Variants in MAP3K4 observed in about 807,000 individuals in gnomAD.
MAP3K4 encodes mitogen-activated protein kinase kinase kinase 4.
A neutral mutation model predicts 185.6 loss-of-function variants in MAP3K4; 67 were observed. The observed-to-expected ratio is 0.36, with a 90% CI of 0.30 to 0.44. The LOEUF (loss-of-function observed/expected upper bound fraction) is 0.44, where lower values mean the gene tolerates loss of function less well. Ranked by LOEUF, MAP3K4 falls within the 20% of genes least tolerant of loss-of-function variation. The pLI is 1.00. For missense variants in MAP3K4, 1,551 were observed against 1,995.1 expected (o/e 0.78, Z 4.24); for synonymous variants, 702 against 710.4 (o/e 0.99, Z 0.19).
Position 161,086,282 on chromosome 6 carries a change from G to A in MAP3K4, c.2373-97G>A. On this transcript the variant is annotated intron_variant, in intron 7 of 26. Coordinates refer to ENST00000392142, the MANE Select transcript of MAP3K4 (RefSeq NM_005922.4). The surrounding 1 kb of genome is among the most constrained non-coding windows in gnomAD (Gnocchi z 4.8). The stretch of plus-strand genomic sequence containing the variant: ...AAATCCTCAGTCTTTATTTATTACT[G>A]TGATTTGGAATTTGCTTCATCTTTA... The A allele has an allele frequency of 1.5e-6, 1 of 645,316 alleles. No homozygotes were observed. The highest frequency in any genetic ancestry group is 3.0e-5 in the Admixed American group (1 of 33,264). The allele number at this position is 645,316 out of a possible 1,614,324, so 40.0% of individuals were successfully genotyped here.
At chr6:161,011,338 A>T (rs908358217) in intron 1 of MAP3K4, among the ~76,000 whole-genome samples, 2 of 152,088 alleles carry the variant, frequency 1.3e-5, no homozygotes, top group Admixed American at 1.3e-4. Context: ...TTTTTCTATA[A>T]AGTTAAATTA....
At chr6:161,052,745 G>A (rs1482383474) in intron 3 of MAP3K4, among the ~76,000 whole-genome samples, 1 of 152,132 alleles carries the variant, frequency 6.6e-6, no homozygotes, top group Non-Finnish European at 1.5e-5. Flanking sequence ...GTGCGTGCTT[G>A]TGTGTGTATG....
Position 161,043,476 on chromosome 6 carries a change from T to A in MAP3K4, c.344-5140T>A, listed in dbSNP as rs1783580193. 6.6e-6 allele frequency among the ~76,000 whole-genome samples: 1 copy of A among 152,202 alleles called. No individual in the cohort carries two copies. Among genetic ancestry groups the A allele is most frequent in the Non-Finnish European group, 1.5e-5 (1 of 68,038 alleles). On this transcript the variant is annotated intron_variant, in intron 2 of 26. Transcript: ENST00000392142. This position sits in a 1 kb window ranked among gnomAD's most constrained non-coding sequence, Gnocchi z 4.3. ...AGTTGGTACTGCCTTGCAAACACCT[T>A]TGACAAGTCCAAGGATGGTGTGGTG...
At chr6:161,099,456 C>T (rs771610140) in intron 17 of MAP3K4, among the ~76,000 whole-genome samples, 11 of 152,196 alleles carry the variant, frequency 7.2e-5, no homozygotes, top group Admixed American at 2.6e-4. Context: ...AAGCATTTTA[C>T]AGCTTAAGCA....
chr6:161,041,235 A>G (rs3729613), intron 2 of MAP3K4, among the ~76,000 whole-genome samples: 6 of 151,986 alleles, frequency 3.9e-5, no homozygotes, highest in African/African-American at 1.4e-4. Flanking sequence ...TCAGGACCCA[A>G]CCTGACTACC....
rs1174533188 is a variant in MAP3K4 at position 161,114,267 on chromosome 6, T to C, written c.4627-856T>C. Among the ~76,000 whole-genome samples, 1 of 152,224 alleles carries C rather than the reference T, an allele frequency of 6.6e-6. No homozygotes were observed. The highest frequency in any genetic ancestry group is 1.5e-5 in the Non-Finnish European group (1 of 68,032). ...TATGATGATAATATTAATGAGCAGT[T>C]ATACAAATGTAAAAAGACACGCATG... On this transcript the variant is annotated intron_variant, in intron 25 of 26. Transcript: ENST00000392142. This position sits in a 1 kb window ranked among gnomAD's most constrained non-coding sequence, Gnocchi z 4.3.
In MAP3K4 at chr6:161,037,094, G is replaced by A. The variant is rs1783203938; in HGVS notation, c.343+2645G>A. ...TGCCAGCTGGTGAACTATTTCTTGC[G>A]GACATTCTTGTTTATGAATACCAAG... On this transcript the variant is annotated intron_variant, in intron 2 of 26. Coordinates refer to ENST00000392142, the MANE Select transcript of MAP3K4 (RefSeq NM_005922.4). The surrounding 1 kb of genome is among the most constrained non-coding windows in gnomAD (Gnocchi z 4.2). Among the ~76,000 whole-genome samples the A allele has an allele frequency of 6.6e-6, 1 of 152,116 alleles. No homozygotes were observed. Among genetic ancestry groups the A allele is most frequent in the Admixed American group, 6.5e-5 (1 of 15,286 alleles).
chr6:161,024,275 G>A (rs1435475938), intron 1 of MAP3K4, among the ~76,000 whole-genome samples: 1 of 152,086 alleles, frequency 6.6e-6, no homozygotes, highest in African/African-American at 2.4e-5. Context: ...AGCCCCTAGA[G>A]TAGTTTTAGA....
Position 161,073,122 on chromosome 6 carries a change from A to G in MAP3K4, c.1951-344A>G, listed in dbSNP as rs1178494635. ...TTCTTTCTCACATTTCTTGTAATGT[A>G]AATTAGTAGAAAAATTGATTTTATT... On this transcript the variant is annotated intron_variant, in intron 4 of 26. Coordinates refer to ENST00000392142, the MANE Select transcript of MAP3K4 (RefSeq NM_005922.4). This position sits in a 1 kb window ranked among gnomAD's most constrained non-coding sequence, Gnocchi z 4.2. 6.6e-6 allele frequency among the ~76,000 whole-genome samples: 1 copy of G among 152,182 alleles called. No homozygotes were observed. Among genetic ancestry groups the G allele is most frequent in the Non-Finnish European group, 1.5e-5 (1 of 68,040 alleles).
rs985939966 is a variant in MAP3K4 at position 161,061,333 on chromosome 6, G to A, written c.1708-9275G>A. Among the ~76,000 whole-genome samples the A allele has an allele frequency of 1.3e-5, 2 of 152,236 alleles. No individual in the cohort carries two copies. The highest frequency in any genetic ancestry group is 2.9e-5 in the Non-Finnish European group (2 of 68,052). On this transcript the variant is annotated intron_variant, in intron 3 of 26. Coordinates refer to ENST00000392142, the MANE Select transcript of MAP3K4 (RefSeq NM_005922.4). This position sits in a 1 kb window ranked among gnomAD's most constrained non-coding sequence, Gnocchi z 4.2. ...CCTTAGGTTATAACCCTCTGTGGAT[G>A]TAACATCAGATAACTGCATTTTAAA...
At chr6:161,058,894 A>C (rs192762727) in intron 3 of MAP3K4, among the ~76,000 whole-genome samples, 2 of 152,130 alleles carry the variant, frequency 1.3e-5, no homozygotes, top group African/African-American at 4.8e-5. Flanking sequence ...TGTGTAAACA[A>C]TGTAGCCACA....
rs1402307588 is a variant in MAP3K4 at position 161,008,452 on chromosome 6, C to G, written c.152+16369C>G. 6.6e-6 allele frequency among the ~76,000 whole-genome samples: 1 copy of G among 152,210 alleles called. No homozygotes were observed. The highest frequency in any genetic ancestry group is 2.1e-4 in the South Asian group (1 of 4,824). On this transcript the variant is annotated intron_variant, in intron 1 of 26. Coordinates refer to ENST00000392142, the MANE Select transcript of MAP3K4 (RefSeq NM_005922.4). The surrounding 1 kb of genome is among the most constrained non-coding windows in gnomAD (Gnocchi z 4.1). The stretch of plus-strand genomic sequence containing the variant: ...CCATTTTATTCTTTACAGAATTTTA[C>G]ATACCGAGTTTTACGTATAATGGGA...
intron 1 of MAP3K4, among the ~76,000 whole-genome samples, chr6:160,993,824 A>G (rs1454637020): frequency 1.3e-5 from 2 of 148,838 alleles, no homozygotes; most frequent in Non-Finnish European, 3.0e-5. Context: ...ATCCAACTGT[A>G]AGTGAACAGC....
chr6:161,107,112 A>G lies in MAP3K4; in HGVS notation c.4048+407A>G, dbSNP rs1473231235. Among the ~76,000 whole-genome samples the G allele has an allele frequency of 6.6e-6, 1 of 151,980 alleles. No individual in the cohort carries two copies. The highest frequency in any genetic ancestry group is 1.5e-5 in the Non-Finnish European group (1 of 68,008). On this transcript the variant is annotated intron_variant, in intron 20 of 26. Transcript: ENST00000392142. The surrounding 1 kb of genome is among the most constrained non-coding windows in gnomAD (Gnocchi z 6.2). ...GTGATTTGAAGAGAGACTGGATACAAATGAGGGCAAGACAGTCTTCTTTTC... is the reference window on the plus strand; with the variant it reads ...GTGATTTGAAGAGAGACTGGATACAGATGAGGGCAAGACAGTCTTCTTTTC...
chr6:161,017,470 C>G lies in MAP3K4; in HGVS notation c.153-16789C>G, dbSNP rs996592792. Among the ~76,000 whole-genome samples the G allele has an allele frequency of 6.6e-6, 1 of 152,068 alleles. No homozygotes were observed. The highest frequency in any genetic ancestry group is 2.4e-5 in the African/African-American group (1 of 41,410). ...CTGTAGTTGAGAAGTATGTCACTTT[C>G]TATTTATTTGGATATTTTAAATAGT... On this transcript the variant is annotated intron_variant, in intron 1 of 26. Coordinates refer to ENST00000392142, the MANE Select transcript of MAP3K4 (RefSeq NM_005922.4). This position sits in a 1 kb window ranked among gnomAD's most constrained non-coding sequence, Gnocchi z 5.1.
rs1260853584 is a variant in MAP3K4 at position 161,049,098 on chromosome 6, A to C, written c.826A>C (p.Thr276Pro). The part of the protein sequence containing the change: ...LELQAWHAGR[T>P]INDQDFFLYT... Reference sequence around the variant, plus strand: ...GCTACAAGCCTGGCATGCAGGACGGACAATTAACGACCAGGACTTCTTTTT... The same window carrying C: ...GCTACAAGCCTGGCATGCAGGACGGCCAATTAACGACCAGGACTTCTTTTT... The change falls in exon 3 of 27, where the codon ACA (threonine) becomes CCA (proline). Residue 276 changes from threonine to proline, a missense_variant. This residue lies in a region of MAP3K4 where 69 missense variants were observed against 124.8 expected (regional missense o/e 0.55). Transcript: ENST00000392142. This position sits in a 1 kb window ranked among gnomAD's most constrained non-coding sequence, Gnocchi z 8.4. 6.2e-6 allele frequency: 10 copies of C among 1,614,078 alleles called. No homozygotes were observed. Among genetic ancestry groups the C allele is most frequent in the African/African-American group, 2.7e-5 (2 of 74,930 alleles).
chr6:161,042,258 C>G (rs1418885388), intron 2 of MAP3K4, among the ~76,000 whole-genome samples: 1 of 152,090 alleles, frequency 6.6e-6, no homozygotes, highest in Non-Finnish European at 1.5e-5. Context: ...CATCTCATGG[C>G]CCAGCCTTCA....
At chr6:161,000,167 T>G (rs1166346769) in intron 1 of MAP3K4, among the ~76,000 whole-genome samples, 1 of 152,316 alleles carries the variant, frequency 6.6e-6, no homozygotes, top group Non-Finnish European at 1.5e-5. Context: ...GTATTTGACC[T>G]TGCAATATAT....
Position 161,086,729 on chromosome 6 carries a change from C to G in MAP3K4, c.2556+62C>G. 1 of 1,367,062 alleles carries G rather than the reference C, an allele frequency of 7.3e-7. No individual in the cohort carries two copies. The highest frequency in any genetic ancestry group is 1.0e-6 in the Non-Finnish European group (1 of 973,418). 84.7% of individuals were successfully genotyped at this position (1,367,062 alleles called of 1,614,324 possible). A position where few individuals can be genotyped will look rare whatever the true frequency, so the allele number is the denominator to read the frequency against. On this transcript the variant is annotated intron_variant, in intron 9 of 26. Transcript: ENST00000392142. The surrounding 1 kb of genome is among the most constrained non-coding windows in gnomAD (Gnocchi z 4.8). ...CTTTCCTTCTTTATTCTAAAACAGG[C>G]AGACTTTTTCTTGAAGGTCCAGATA...
Sources: gnomAD v4.1 joint callset for allele counts (sites outside exome capture counted in the v4.1 genomes callset) on GRCh38, gnomAD v4.1.1 for gene constraint, gnomAD v4.1.1 regional missense constraint, Gnocchi (gnomAD v3.1) non-coding constraint, MANE v1.5 for transcripts, NCBI Gene and HGNC (gene_info 2026-07-23, HGNC 2026-07-21) for gene names.